Variants in ZNF804B observed in about 807,000 individuals in gnomAD.
The protein encoded by ZNF804B is zinc finger 804B.
Under a neutral mutation model 101.4 loss-of-function variants are expected in ZNF804B, and 80 were observed. The ratio of observed to expected loss-of-function variants is 0.79; its 90% CI spans 0.66 to 0.95. ZNF804B has a LOEUF of 0.95. Ranked by LOEUF, ZNF804B falls within the 40% of genes least tolerant of loss-of-function variation. The pLI is 0.00. For missense variants in ZNF804B, 1,673 were observed against 1,561.9 expected (o/e 1.07, Z -1.20); for synonymous variants, 622 against 558.8 (o/e 1.11, Z -1.59).
intron 1 of ZNF804B, among the ~76,000 whole-genome samples, chr7:88,800,408 A>G (rs1276238145): frequency 6.6e-6 from 1 of 152,126 alleles, no homozygotes. Context: ...TAGTTAATTG[A>G]TTACAACATT....
chr7:89,285,716 T>A (rs780150731), intron 2 of ZNF804B, among the ~76,000 whole-genome samples: 1 of 151,910 alleles, frequency 6.6e-6, no homozygotes, highest in African/African-American at 2.4e-5. Context: ...GAATTTAAGA[T>A]AAGAAGGAAT....
chr7:88,852,482 T>C (rs10251702), intron 1 of ZNF804B, among the ~76,000 whole-genome samples: 6,780 of 152,054 alleles, frequency 0.045, 437 homozygotes, highest in African/African-American at 0.14. Context: ...TGCTGCCCAA[T>C]CCTTGTTACC....
chr7:89,204,501 T>G (rs1788688862), intron 1 of ZNF804B, among the ~76,000 whole-genome samples: 1 of 152,134 alleles, frequency 6.6e-6, no homozygotes, highest in African/African-American at 2.4e-5. Flanking sequence ...ATTTTACCCT[T>G]GAATTTCCAG....
intron 1 of ZNF804B, among the ~76,000 whole-genome samples, chr7:89,004,144 C>G (rs1788335561): frequency 6.7e-6 from 1 of 149,490 alleles, no homozygotes. Flanking sequence ...CTGGTAATAT[C>G]TGGTTAGAGA....
At chr7:89,034,973 A>G (rs1034124509) in intron 1 of ZNF804B, among the ~76,000 whole-genome samples, 5 of 152,128 alleles carry the variant, frequency 3.3e-5, no homozygotes, top group African/African-American at 1.2e-4. Flanking sequence ...TCTAAGATCT[A>G]TTGAGGAAAC....
intron 1 of ZNF804B, among the ~76,000 whole-genome samples, chr7:88,993,320 G>C (rs1793874710): frequency 6.6e-6 from 1 of 151,972 alleles, no homozygotes; most frequent in African/African-American, 2.4e-5. Flanking sequence ...TTGAAGTCTA[G>C]AAAATTTAAG....
chr7:89,282,387 A>G (rs1790113812), intron 2 of ZNF804B, among the ~76,000 whole-genome samples: 2 of 152,110 alleles, frequency 1.3e-5, no homozygotes, highest in South Asian at 4.1e-4. Flanking sequence ...ATTTGGATGG[A>G]GGCCCCAAGG....
At chr7:89,135,668 A>G (rs992677453) in intron 1 of ZNF804B, among the ~76,000 whole-genome samples, 1 of 152,094 alleles carries the variant, frequency 6.6e-6, no homozygotes, top group Non-Finnish European at 1.5e-5. Flanking sequence ...GATGATATTA[A>G]GGTGAAAGCT....
chr7:89,260,841 T>C lies in ZNF804B; in HGVS notation c.249+42546T>C, dbSNP rs527712671. 2.0e-5 allele frequency among the ~76,000 whole-genome samples: 3 copies of C among 152,328 alleles called. No homozygotes were observed. In the East Asian group the frequency reaches 5.8e-4, roughly 29 times the overall value. On this transcript the variant is annotated intron_variant, in intron 2 of 3. Transcript: ENST00000333190. ...GCTGTATCGTATCAAGCAATTCAAC[T>C]TTTTCTTGCAATGTCATGAGTTTTC...
At chr7:88,971,490 G>T (rs554686932) in intron 1 of ZNF804B, among the ~76,000 whole-genome samples, 2 of 151,606 alleles carry the variant, frequency 1.3e-5, no homozygotes, top group South Asian at 4.1e-4. Flanking sequence ...AGTTTGTAAG[G>T]AGTACTGTGG....
chr7:89,089,949 A>G (rs948469013), intron 1 of ZNF804B, among the ~76,000 whole-genome samples: 17 of 152,210 alleles, frequency 1.1e-4, no homozygotes, highest in Non-Finnish European at 2.2e-4. Flanking sequence ...AATTGTTTAA[A>G]GAGAAAAAAA....
At chr7:89,319,219 A>T (rs1051041366) in intron 2 of ZNF804B, among the ~76,000 whole-genome samples, 1 of 152,130 alleles carries the variant, frequency 6.6e-6, no homozygotes, top group African/African-American at 2.4e-5. Flanking sequence ...GGGCCAGTTT[A>T]TGGCCAGATT....
At chr7:89,129,441 A>G (rs1366921446) in intron 1 of ZNF804B, among the ~76,000 whole-genome samples, 3 of 152,062 alleles carry the variant, frequency 2.0e-5, no homozygotes, top group African/African-American at 7.2e-5. Context: ...GAAGCCAGGA[A>G]GAAATGAAAA....
At chr7:88,778,640 T>G (rs1228586164) in intron 1 of ZNF804B, among the ~76,000 whole-genome samples, 1 of 152,192 alleles carries the variant, frequency 6.6e-6, no homozygotes, top group African/African-American at 2.4e-5. Flanking sequence ...CTTGAGAATA[T>G]TTTTCTGTAG....
At chr7:88,913,530 G>A (rs899745716) in intron 1 of ZNF804B, among the ~76,000 whole-genome samples, 1 of 152,152 alleles carries the variant, frequency 6.6e-6, no homozygotes, top group Non-Finnish European at 1.5e-5. Context: ...GAGGAGCTGG[G>A]ATTACAGGTG....
At chr7:89,316,308 C>A (rs1790725152) in intron 2 of ZNF804B, among the ~76,000 whole-genome samples, 1 of 152,114 alleles carries the variant, frequency 6.6e-6, no homozygotes, top group Non-Finnish European at 1.5e-5. Flanking sequence ...GTACTGCTAT[C>A]TCTGACCCTC....
chr7:88,964,424 CAAAATGGG>C (rs1315365183), intron 1 of ZNF804B, among the ~76,000 whole-genome samples: 2 of 151,236 alleles, frequency 1.3e-5, no homozygotes, highest in Non-Finnish European at 3.0e-5. Context: ...AAGCTGCACA[CAAAATGGG>C]AAATATTATA....
intron 1 of ZNF804B, among the ~76,000 whole-genome samples, chr7:89,142,106 A>G (rs567315526): frequency 2.0e-5 from 3 of 151,908 alleles, no homozygotes; most frequent in Non-Finnish European, 4.4e-5. Flanking sequence ...ACAAAGCAGT[A>G]GCCAGAGGAG....
chr7:89,026,072 A>T (rs1257584520), intron 1 of ZNF804B, among the ~76,000 whole-genome samples: 4 of 152,118 alleles, frequency 2.6e-5, no homozygotes, highest in Non-Finnish European at 5.9e-5. Context: ...TGCATGATGC[A>T]TTCCTTCAAC....
Sources: gnomAD v4.1 joint callset for allele counts (sites outside exome capture counted in the v4.1 genomes callset) on GRCh38, gnomAD v4.1.1 for gene constraint, MANE v1.5 for transcripts, NCBI Gene and HGNC (gene_info 2026-07-23, HGNC 2026-07-21) for gene names.